PKD1: variants seen among roughly 807,000 people sequenced by gnomAD.
The protein encoded by PKD1 is polycystin 1, transient receptor potential channel interacting.
A neutral mutation model predicts 361.7 loss-of-function variants in PKD1; 81 were observed. The ratio of observed to expected loss-of-function variants is 0.22; its 90% CI spans 0.19 to 0.27. The LOEUF is 0.27. Among genes scored for constraint, PKD1 ranks in the 10% least tolerant of loss-of-function variants. The pLI is 1.00. For synonymous variants in PKD1, 3,615 were observed against 2,818.3 expected (o/e 1.28, Z -8.95); for missense variants, 6,399 against 6,118.3 (o/e 1.05, Z -1.53).
chr16:2,090,578 A>T lies in PKD1; in HGVS notation c.12151T>A (p.Cys4051Ser). ...AQLAILLVSSCVDSLWSVAQA... is the reference protein window; with the variant it reads ...AQLAILLVSSSVDSLWSVAQA... ...GCCACGCTCCAGAGGGAGTCCACAC[A>T]GGAAGACACGAGCTGCGGGGAAGGC... is the stretch of plus-strand genomic sequence containing the variant. The change falls in exon 45 of 46, where the codon TGT (cysteine) becomes AGT (serine). Residue 4051 changes from cysteine to serine, a missense_variant. Coordinates refer to ENST00000262304, the MANE Select transcript of PKD1 (RefSeq NM_001009944.3). 1 of 1,608,970 alleles carries T rather than the reference A, an allele frequency of 6.2e-7. No homozygotes were observed. Among genetic ancestry groups the T allele is most frequent in the South Asian group, 1.1e-5 (1 of 91,018 alleles).
chr16:2,124,061 G>A (rs1288091797), intron 1 of PKD1, among the ~76,000 whole-genome samples: 1 of 152,176 alleles, frequency 6.6e-6, no homozygotes, highest in East Asian at 1.9e-4. Context: ...GGGTGGAGAA[G>A]GAAGTCCCAG....
chr16:2,104,259 G>A (rs1428238548), intron 22 of PKD1, among the ~76,000 whole-genome samples: 2 of 55,684 alleles, frequency 3.6e-5, no homozygotes, highest in African/African-American at 1.0e-4. Flanking sequence ...ACAAAAGGAC[G>A]GGGAGGACGG....
chr16:2,092,613 C>T lies in PKD1; in HGVS notation c.11157-21G>A, dbSNP rs368922142. ...CAGACCTGCCACAGCATCAGTCACACGCTCCAGCCCCTACTGCCCCATGCC... is the reference window on the plus strand; with the variant it reads ...CAGACCTGCCACAGCATCAGTCACATGCTCCAGCCCCTACTGCCCCATGCC... On this transcript the variant is annotated intron_variant, in intron 38 of 45. Transcript: ENST00000262304. 115 of 1,533,006 alleles carry T rather than the reference C, an allele frequency of 7.5e-5. No homozygotes were observed. The African/African-American group carries it at 1.1e-3, about 14-fold the overall frequency. The allele number at this position is 1,533,006 out of a possible 1,614,324, so 95.0% of individuals were successfully genotyped here. A position where few individuals can be genotyped will look rare whatever the true frequency, so the allele number is the denominator to read the frequency against.
chr16:2,116,886 T>A lies in PKD1; in HGVS notation c.1553A>T (p.Asn518Ile). 6.5e-7 allele frequency: 1 copy of A among 1,531,478 alleles called. No homozygotes were observed. The highest frequency in any genetic ancestry group is 8.8e-7 in the Non-Finnish European group (1 of 1,142,414). The allele number at this position is 1,531,478 out of a possible 1,614,324, so 94.9% of individuals were successfully genotyped here. A position where few individuals can be genotyped will look rare whatever the true frequency, so the allele number is the denominator to read the frequency against. ...GTGCGGCGCTGAGCACAGGTCGGTG[T>A]TACACCACCCGGTGGGCCCGAGCCG... is the stretch of plus-strand genomic sequence containing the variant. ...CVRLGPTGWCNTDLCSAPHSY... is the reference protein window; with the variant it reads ...CVRLGPTGWCITDLCSAPHSY... The change falls in exon 7 of 46, where the codon AAC becomes ATC. Residue 518 changes from asparagine to isoleucine, a missense_variant. Coordinates refer to ENST00000262304, the MANE Select transcript of PKD1 (RefSeq NM_001009944.3).
Position 2,089,497 on chromosome 16 carries a change from C to T in PKD1, c.*230G>A, listed in dbSNP as rs867756350. On this transcript the variant is annotated 3_prime_UTR_variant, in exon 46 of 46. Transcript: ENST00000262304. ...AGCATCTCAGAGGCTAGAAACCGTC[C>T]AATACTGCTGTGTCCTTCCCAAGGG... 7 of 594,364 alleles carry T rather than the reference C, an allele frequency of 1.2e-5. No homozygotes were observed. The highest frequency in any genetic ancestry group is 1.8e-5 in the Non-Finnish European group (6 of 333,642). The allele number at this position is 594,364 out of a possible 1,614,324, so 36.8% of individuals were successfully genotyped here.
In PKD1 at chr16:2,118,036, G is replaced by A. The variant is rs779197155; in HGVS notation, c.956C>T (p.Pro319Leu). The change falls in exon 5 of 46, where the codon CCG becomes CTG. Residue 319 changes from proline to leucine, a missense_variant. By Grantham distance (98) the Pro-to-Leu change is moderately conservative (BLOSUM62 -3). Transcript: ENST00000262304. This position sits in a 1 kb window ranked among gnomAD's most constrained non-coding sequence, Gnocchi z 6.0. ...CAGCACATAGCGATGCGAGGCAGCC[G>A]GCCCAGCGGCATCCACCTCGGCGGA... The part of the protein sequence containing the change: ...DGSAEVDAAG[P>L]AASHRYVLPG... The A allele has an allele frequency of 4.2e-5, 68 of 1,601,326 alleles. No individual in the cohort carries two copies. Among genetic ancestry groups the A allele is most frequent in the Non-Finnish European group, 5.3e-5 (62 of 1,178,548 alleles).
chr16:2,112,614 G>T (rs1418615448), intron 13 of PKD1, 141 bp from the exon 14 acceptor site: 1 of 968,508 alleles, frequency 1.0e-6, no homozygotes, highest in Non-Finnish European at 1.6e-6. Flanking sequence ...GCTGTGCTGA[G>T]GCCTCTCCCG....
intron 37 of PKD1, chr16:2,093,330 C>G: frequency 1.5e-6 from 1 of 673,074 alleles, no homozygotes; most frequent in Middle Eastern, 4.1e-4. Flanking sequence ...CAGGGCCAGG[C>G]AGGAGTGGGC....
At position 2,102,696 on chromosome 16, in the gene PKD1, A is replaced by C. The variant is rs185349861; in HGVS notation, c.8949-63T>G. On this transcript the variant is annotated intron_variant, in intron 24 of 45. Coordinates refer to ENST00000262304, the MANE Select transcript of PKD1 (RefSeq NM_001009944.3). ...CCGCCAGGTTGGATGTCGCAGTCTC[A>C]GAGCCCATACCCGGTCCAGTCCCCT... 232 of 1,609,064 alleles carry C rather than the reference A, an allele frequency of 1.4e-4. No individual in the cohort carries two copies. The African/African-American group carries it at 2.9e-3, about 20-fold the overall frequency.
chr16:2,110,563 C>A lies in PKD1; in HGVS notation c.4604G>T (p.Arg1535Leu), dbSNP rs147919184. Residue 1535 changes from arginine (R) to leucine (L), a missense_variant, in exon 15 of 46, where the codon CGC becomes CTC. By Grantham distance (102) the Arg-to-Leu change is moderately radical (BLOSUM62 -2). Transcript: ENST00000262304. The part of the protein sequence containing the change: ...VRVAGWNEVS[R>L]SEAWLNVTVK... The stretch of plus-strand genomic sequence containing the variant: ...CGTCACATTGAGCCAGGCCTCGCTG[C>A]GGCTCACCTCATTCCAGCCGGCCAC... 2 of 1,611,058 alleles carry A rather than the reference C, an allele frequency of 1.2e-6. No individual in the cohort carries two copies. The highest frequency in any genetic ancestry group is 2.7e-5 in the African/African-American group (2 of 74,886).
At chr16:2,121,601 G>A (rs2092722152) in intron 1 of PKD1, among the ~76,000 whole-genome samples, 1 of 152,092 alleles carries the variant, frequency 6.6e-6, no homozygotes, top group South Asian at 2.1e-4. Flanking sequence ...AGGTCCTGGA[G>A]CTGGTGATGC....
Position 2,091,728 on chromosome 16 carries a change from T to A in PKD1, c.11537+53A>T, listed in dbSNP as rs560886704. ...GGGGGCCGGAGGAGTGAGGGTGGGC[T>A]CCTGGCTGGTGACTGCGGCCACCCC... On this transcript the variant is annotated intron_variant, in intron 41 of 45. Coordinates refer to ENST00000262304, the MANE Select transcript of PKD1 (RefSeq NM_001009944.3). 152 of 1,598,994 alleles carry A rather than the reference T, an allele frequency of 9.5e-5. No homozygotes were observed. The African/African-American group carries it at 1.9e-3, about 20-fold the overall frequency.
chr16:2,092,174 G>A lies in PKD1; in HGVS notation c.11284C>T (p.Pro3762Ser), dbSNP rs1555446088. 2 of 1,605,682 alleles carry A rather than the reference G, an allele frequency of 1.2e-6. No individual in the cohort carries two copies. The highest frequency in any genetic ancestry group is 1.3e-5 in the African/African-American group (1 of 74,658). The change falls in exon 40 of 46, where the codon CCT becomes TCT. Residue 3762 changes from proline (P) to serine (S), a missense_variant. Transcript: ENST00000262304. The part of the protein sequence containing the change: ...VRLQEALYPD[P>S]PGPRVHTCSA... ...CACGTGTGGACCCTGGGGCCGGGAGGGTCTGGGTAGAGTGCTGAAACACAC... is the reference window on the plus strand; with the variant it reads ...CACGTGTGGACCCTGGGGCCGGGAGAGTCTGGGTAGAGTGCTGAAACACAC...
At position 2,117,389 on chromosome 16, in the gene PKD1, C is replaced by G. The variant is rs547235570; in HGVS notation, c.1385+100G>C. ...CACCTGCTCACCAGGGCCGGCCCAG[C>G]TCCCACCTCCTTCCTCCTGAGACTC... On this transcript the variant is annotated intron_variant, in intron 6 of 45. Coordinates refer to ENST00000262304, the MANE Select transcript of PKD1 (RefSeq NM_001009944.3). The G allele has an allele frequency of 9.4e-5, 87 of 929,702 alleles. No homozygotes were observed. In the African/African-American group the frequency reaches 1.3e-3, roughly 14 times the overall value. The allele number at this position is 929,702 out of a possible 1,614,324, so 57.6% of individuals were successfully genotyped here.
At position 2,117,104 on chromosome 16, in the gene PKD1, C is replaced by T. The variant is rs1440643197; in HGVS notation, c.1386-51G>A. On this transcript the variant is annotated intron_variant, in intron 6 of 45. Transcript: ENST00000262304. ...GGGCTCAGGGCACTCCTCCATCCTC[C>T]CACCCTCACAGCAGCCCGCTGGGAG... 6.3e-6 allele frequency: 5 copies of T among 793,204 alleles called. No homozygotes were observed. The African/African-American group carries it at 6.8e-5, about 11-fold the overall frequency. 49.1% of individuals were successfully genotyped at this position (793,204 alleles called of 1,614,324 possible). A position where few individuals can be genotyped will look rare whatever the true frequency, so the allele number is the denominator to read the frequency against.
Position 2,093,654 on chromosome 16 carries a change from C to G in PKD1, c.10906G>C (p.Val3636Leu). The change falls in exon 37 of 46, where the codon GTG becomes CTG. Residue 3636 changes from valine to leucine, a missense_variant. By Grantham distance (32) the Val-to-Leu change is conservative. Coordinates refer to ENST00000262304, the MANE Select transcript of PKD1 (RefSeq NM_001009944.3). Reference protein sequence around the residue: ...EDDTLVESPAVTPVSARVPRV... With the variant: ...EDDTLVESPALTPVSARVPRV... ...GGCACACGTGCGCTCACAGGCGTCA[C>G]AGCCGGGCTCTCTACCAGGGTGTCA... 1.2e-6 allele frequency: 2 copies of G among 1,608,336 alleles called. No individual in the cohort carries two copies. The highest frequency in any genetic ancestry group is 1.7e-6 in the Non-Finnish European group (2 of 1,177,744).
chr16:2,108,488 G>A lies in PKD1; in HGVS notation c.6679C>T (p.His2227Tyr), dbSNP rs1257476353. The change falls in exon 15 of 46, where the codon CAC becomes TAC. Residue 2227 changes from histidine (H) to tyrosine (Y), a missense_variant. Physicochemically the swap from His to Tyr is moderately conservative, Grantham distance 83. Transcript: ENST00000262304. ...VLPRLALPVG[H>Y]YCFVFVVSFG... ...GACACGACAAACACAAAGCAGTAGT[G>A]CCCCACAGGCAGCGCCAGCCGCGGC... is the stretch of plus-strand genomic sequence containing the variant. 1.2e-5 allele frequency: 20 copies of A among 1,610,138 alleles called. No individual in the cohort carries two copies. In the Middle Eastern group the frequency reaches 9.0e-4, roughly 73 times the overall value.
In PKD1 at chr16:2,106,655, C is replaced by G. The variant is rs1328433648; in HGVS notation, c.7232G>C (p.Ser2411Thr). The change falls in exon 18 of 46, where the codon AGC (serine) becomes ACC (threonine). Residue 2411 changes from serine to threonine, a missense_variant. Coordinates refer to ENST00000262304, the MANE Select transcript of PKD1 (RefSeq NM_001009944.3). This position sits in a 1 kb window ranked among gnomAD's most constrained non-coding sequence, Gnocchi z 6.5. ...CTCATCCAGCACCAGCGTCTTGTTG[C>G]TGAACGTACGTGCAGCCCACCGCTG... The part of the protein sequence containing the change: ...KRGRWAARTF[S>T]NKTLVLDETT... 6 of 1,597,358 alleles carry G rather than the reference C, an allele frequency of 3.8e-6. No homozygotes were observed. The highest frequency in any genetic ancestry group is 2.5e-6 in the Non-Finnish European group (3 of 1,179,080).
In PKD1 at chr16:2,109,632, G is replaced by A; in HGVS notation, c.5535C>T (p.Ser1845=). ...TGGTGACATGAGGGCCACGCTTGCT[G>A]CTGCCGCCGGGCACAGCCCAGCACC... ...VSWCWAVPGG[S]SKRGPHVTMV... The change falls in exon 15 of 46, where the codon AGC becomes AGT. Residue 1845 remains serine, a synonymous_variant. Coordinates refer to ENST00000262304, the MANE Select transcript of PKD1 (RefSeq NM_001009944.3). 6.2e-7 allele frequency: 1 copy of A among 1,602,490 alleles called. No individual in the cohort carries two copies. The highest frequency in any genetic ancestry group is 8.5e-7 in the Non-Finnish European group (1 of 1,175,400).
Sources: gnomAD v4.1 joint callset for allele counts (sites outside exome capture counted in the v4.1 genomes callset) on GRCh38, gnomAD v4.1.1 for gene constraint, Gnocchi (gnomAD v3.1) non-coding constraint, MANE v1.5 for transcripts, NCBI Gene and HGNC (gene_info 2026-07-23, HGNC 2026-07-21) for gene names.